SCAPER: variants seen among roughly 807,000 people sequenced by gnomAD.
SCAPER encodes S phase cyclin A-associated protein in the endoplasmic reticulum.
Under a neutral mutation model 182.2 loss-of-function variants are expected in SCAPER, and 98 were observed. The ratio of observed to expected loss-of-function variants is 0.54; its 90% CI spans 0.46 to 0.64. The LOEUF (loss-of-function observed/expected upper bound fraction) is 0.64, where lower values mean the gene tolerates loss of function less well. SCAPER is among the 30% of genes least tolerant of loss of function. The pLI is 0.00. For synonymous variants in SCAPER, 605 were observed against 564.6 expected (o/e 1.07, Z -1.01); for missense variants, 1,432 against 1,690.0 (o/e 0.85, Z 2.68).
In SCAPER at chr15:76,887,605, G is replaced by A. The variant is rs140250365; in HGVS notation, c.-59-3729C>T. Among the ~76,000 whole-genome samples the A allele has an allele frequency of 8.7e-4, 132 of 152,300 alleles. 1 individual carries two copies. Among genetic ancestry groups the A allele is most frequent in the African/African-American group, 2.9e-3 (119 of 41,576 alleles). On this transcript the variant is annotated intron_variant, in intron 1 of 31. Transcript: ENST00000563290. ...GGCTGCAGCCCAGTCAGGGAGGAGC[G>A]TCCACAATTGCTGAGGCATGAGTAG...
chr15:76,711,553 GA>G (rs1300317010), intron 17 of SCAPER, among the ~76,000 whole-genome samples: 1 of 152,190 alleles, frequency 6.6e-6, no homozygotes, highest in Non-Finnish European at 1.5e-5. Flanking sequence ...TGAAGGAACT[GA>G]AACTCTCATG....
At chr15:76,714,401 T>C (rs1160611643) in intron 17 of SCAPER, among the ~76,000 whole-genome samples, 1 of 152,152 alleles carries the variant, frequency 6.6e-6, no homozygotes, top group Non-Finnish European at 1.5e-5. Context: ...ACAGAAACCA[T>C]TACATTACTA....
At chr15:76,435,178 G>C (rs1358759853) in intron 25 of SCAPER, among the ~76,000 whole-genome samples, 1 of 152,300 alleles carries the variant, frequency 6.6e-6, no homozygotes, top group East Asian at 1.9e-4. Context: ...CACAAAGGGA[G>C]CCAGGAAATG....
intron 8 of SCAPER, among the ~76,000 whole-genome samples, chr15:76,776,015 G>A (rs1000324899): frequency 3.3e-5 from 5 of 151,826 alleles, no homozygotes; most frequent in African/African-American, 1.2e-4. Context: ...CCTTCATTTC[G>A]GGCCCTCCAT....
chr15:76,477,131 G>T (rs1476554140), intron 24 of SCAPER, among the ~76,000 whole-genome samples: 1 of 152,108 alleles, frequency 6.6e-6, no homozygotes, highest in Non-Finnish European at 1.5e-5. Context: ...AAACCACTGG[G>T]CACCATATGA....
intron 21 of SCAPER, among the ~76,000 whole-genome samples, chr15:76,657,445 G>C (rs574983453): frequency 1.3e-5 from 2 of 151,616 alleles, no homozygotes; most frequent in African/African-American, 2.4e-5. Flanking sequence ...ACCAGATTTA[G>C]AGCCAGATTC....
At chr15:76,676,871 A>G (rs2057399233) in intron 20 of SCAPER, among the ~76,000 whole-genome samples, 1 of 150,902 alleles carries the variant, frequency 6.6e-6, no homozygotes, top group Non-Finnish European at 1.5e-5. Flanking sequence ...ATTTTCTACA[A>G]TAAATATATA....
chr15:76,741,754 G>T (rs1356173461), intron 15 of SCAPER, among the ~76,000 whole-genome samples: 1 of 152,068 alleles, frequency 6.6e-6, no homozygotes, highest in African/African-American at 2.4e-5. Context: ...TAGGTTAATG[G>T]GTGACTAGTT....
At chr15:76,475,048 G>T (rs1165608370) in intron 24 of SCAPER, among the ~76,000 whole-genome samples, 4 of 152,186 alleles carry the variant, frequency 2.6e-5, no homozygotes, top group African/African-American at 9.6e-5. Context: ...TTGATAACAT[G>T]TCTAAATTTT....
At chr15:76,726,692 C>A (rs912861744) in intron 17 of SCAPER, among the ~76,000 whole-genome samples, 1 of 151,990 alleles carries the variant, frequency 6.6e-6, no homozygotes, top group Non-Finnish European at 1.5e-5. Flanking sequence ...CTGACACATG[C>A]TACAACATGG....
At chr15:76,900,302 C>A (rs2074705285) in intron 1 of SCAPER, among the ~76,000 whole-genome samples, 2 of 148,772 alleles carry the variant, frequency 1.3e-5, no homozygotes, top group South Asian at 4.2e-4. Flanking sequence ...CCTGCCACAT[C>A]CCCCTCTCTG....
intron 15 of SCAPER, among the ~76,000 whole-genome samples, chr15:76,743,362 A>T (rs1283913386): frequency 6.6e-6 from 1 of 152,202 alleles, no homozygotes; most frequent in Non-Finnish European, 1.5e-5. Flanking sequence ...TATTTACATT[A>T]GCAAGAATTT....
intron 27 of SCAPER, among the ~76,000 whole-genome samples, chr15:76,384,229 G>A (rs1002655309): frequency 6.6e-6 from 1 of 152,220 alleles, no homozygotes; most frequent in Non-Finnish European, 1.5e-5. Context: ...GAGGATGAGT[G>A]ACATCACTGC....
intron 27 of SCAPER, among the ~76,000 whole-genome samples, chr15:76,389,528 A>T (rs1468112773): frequency 9.0e-6 from 1 of 111,300 alleles, no homozygotes; most frequent in Non-Finnish European, 1.9e-5. Context: ...AAAAAAAAAA[A>T]AAAGGCCGGG....
chr15:76,447,220 C>T (rs1475225045), intron 25 of SCAPER, among the ~76,000 whole-genome samples: 2 of 152,122 alleles, frequency 1.3e-5, no homozygotes, highest in African/African-American at 2.4e-5. Flanking sequence ...GAGGGTGGTG[C>T]ACCTGGAGAG....
chr15:76,774,762 T>C (rs2063650024), intron 9 of SCAPER, 93 bp downstream of exon 9: 1 of 1,362,248 alleles, frequency 7.3e-7, no homozygotes, highest in African/African-American at 1.5e-5. Context: ...TCACAGTAAG[T>C]TAAAAAATGA....
chr15:76,812,497 A>AAAAGAAAG (rs761583791), intron 5 of SCAPER, among the ~76,000 whole-genome samples: 8 of 122,414 alleles, frequency 6.5e-5, no homozygotes, highest in South Asian at 2.7e-4. Context: ...AAAAAAAAAA[A>AAAAGAAAG]AAAGAAAGAA....
intron 4 of SCAPER, among the ~76,000 whole-genome samples, chr15:76,853,667 C>G (rs991104197): frequency 6.6e-6 from 1 of 152,074 alleles, no homozygotes; most frequent in African/African-American, 2.4e-5. Flanking sequence ...GAACATACCT[C>G]AAAATAAAAA....
At chr15:76,677,378 C>T (rs553841156) in intron 20 of SCAPER, among the ~76,000 whole-genome samples, 2 of 151,992 alleles carry the variant, frequency 1.3e-5, no homozygotes, top group African/African-American at 4.8e-5. Flanking sequence ...GAGCACTAAA[C>T]TGTGAGTCAA....
Sources: gnomAD v4.1 joint callset for allele counts (sites outside exome capture counted in the v4.1 genomes callset) on GRCh38, gnomAD v4.1.1 for gene constraint, MANE v1.5 for transcripts, NCBI Gene and HGNC (gene_info 2026-07-23, HGNC 2026-07-21) for gene names.